The following MAEL variants were observed in gnomAD, a reference collection of about 807,000 sequenced individuals.
The protein encoded by MAEL is protein maelstrom homolog.
A neutral mutation model predicts 62.0 loss-of-function variants in MAEL; 46 were observed. The ratio of observed to expected loss-of-function variants is 0.74; its 90% CI spans 0.59 to 0.95. MAEL has a LOEUF of 0.95. Among genes scored for constraint, MAEL ranks in the 40% least tolerant of loss-of-function variants. MAEL has a pLI of 0.00. For missense variants in MAEL, 497 were observed against 526.8 expected (o/e 0.94, Z 0.55); for synonymous variants, 172 against 175.5 (o/e 0.98, Z 0.16).
At position 166,992,764 on chromosome 1, in the gene MAEL, TC is replaced by T. The variant is rs745819238; in HGVS notation, c.407del (p.Pro136LeufsTer23). 1.2e-6 allele frequency: 2 copies of T among 1,611,780 alleles called. No individual in the cohort carries two copies. The highest frequency in any genetic ancestry group is 1.7e-6 in the Non-Finnish European group (2 of 1,179,142). On this transcript the variant is annotated frameshift_variant, in exon 4 of 12. Transcript: ENST00000367872. LOFTEE classifies it high-confidence loss of function. ...ELPPHCEQRF[L>X]PCEIGCVKYS... is the part of the protein sequence containing the mutation. ...CCTCCTCATTGTGAACAGCGCTTCC[TC>T]CCTTGTGAAATTGGCTGTGTTAAGT...
Position 166,999,377 on chromosome 1 carries a change from A to G in MAEL, c.524-4803A>G, listed in dbSNP as rs541677885. 1.2e-4 allele frequency among the ~76,000 whole-genome samples: 18 copies of G among 152,376 alleles called. No homozygotes were observed. In the South Asian group the frequency reaches 3.7e-3, roughly 32 times the overall value. On this transcript the variant is annotated intron_variant, in intron 5 of 11. Transcript: ENST00000367872. ...AAGTTTTAGTGGTCAGAATAGATCAACATTCTCCAGTTACCACATTCCCTT... is the reference window on the plus strand; with the variant it reads ...AAGTTTTAGTGGTCAGAATAGATCAGCATTCTCCAGTTACCACATTCCCTT...
chr1:167,001,737 A>G (rs1442857823), intron 5 of MAEL, among the ~76,000 whole-genome samples: 1 of 152,160 alleles, frequency 6.6e-6, no homozygotes, highest in African/African-American at 2.4e-5. Flanking sequence ...ATTTTAATGA[A>G]TGCTTTTTCT....
chr1:167,021,396 T>C (rs2102137165), intron 11 of MAEL, among the ~76,000 whole-genome samples: 1 of 152,322 alleles, frequency 6.6e-6, no homozygotes, highest in African/African-American at 2.4e-5. Flanking sequence ...AAAGAAAACC[T>C]GTTTTTCTTG....
intron 1 of MAEL, 46 bp from the exon 2 acceptor site, chr1:166,989,691 G>C (rs1323737818): frequency 6.3e-7 from 1 of 1,584,030 alleles, no homozygotes. Context: ...TAGAGCACGG[G>C]ATCCTCACGG....
intron 1 of MAEL, among the ~76,000 whole-genome samples, chr1:166,982,400 T>C (rs890723931): frequency 5.3e-5 from 8 of 152,210 alleles, no homozygotes; most frequent in African/African-American, 1.4e-4. Flanking sequence ...ATCTATTTCA[T>C]AGGGTTGTTG....
intron 10 of MAEL, 103 bp from the exon 11 acceptor site, chr1:167,020,982 T>A: frequency 1.2e-6 from 1 of 843,904 alleles, no homozygotes; most frequent in Non-Finnish European, 2.0e-6. Flanking sequence ...TATTTGAGTG[T>A]TAGTTTGCAT....
At chr1:166,980,013 T>C (rs1443138316) in intron 1 of MAEL, among the ~76,000 whole-genome samples, 1 of 152,126 alleles carries the variant, frequency 6.6e-6, no homozygotes, top group Non-Finnish European at 1.5e-5. Context: ...TTCTTTATAA[T>C]TGTCTTTCTT....
chr1:167,005,214 A>G (rs773658028), intron 7 of MAEL, 42 bp from the exon 8 acceptor site: 1 of 1,610,666 alleles, frequency 6.2e-7, no homozygotes, highest in Non-Finnish European at 8.5e-7. Flanking sequence ...CCAGGTATCT[A>G]AATTTACTAA....
intron 3 of MAEL, 80 bp from the exon 4 acceptor site, chr1:166,992,606 C>T (rs1205508964): frequency 4.9e-6 from 5 of 1,028,182 alleles, no homozygotes; most frequent in South Asian, 1.9e-5. Flanking sequence ...ACATTTTTTC[C>T]CTTCAACTAA....
intron 8 of MAEL, among the ~76,000 whole-genome samples, chr1:167,006,761 G>A (rs1476205401): frequency 6.7e-6 from 1 of 150,240 alleles, no homozygotes; most frequent in Non-Finnish European, 1.5e-5. Context: ...TCAGCCTCTC[G>A]AGTAGTTGGG....
intron 5 of MAEL, among the ~76,000 whole-genome samples, chr1:166,994,890 G>A (rs867117270): frequency 2.7e-5 from 4 of 150,692 alleles, no homozygotes; most frequent in Middle Eastern, 7.0e-3. Context: ...GGATGGTCTC[G>A]ATCTATTGAC....
chr1:166,989,000 G>T (rs1417100297), upstream of MAEL: 4 of 232,856 alleles, frequency 1.7e-5, no homozygotes, highest in Non-Finnish European at 2.6e-5. Flanking sequence ...AACACCCGCA[G>T]CTCCTCTTTT....
At chr1:166,978,120 C>A (rs1663649413) in intron 1 of MAEL, among the ~76,000 whole-genome samples, 1 of 152,160 alleles carries the variant, frequency 6.6e-6, no homozygotes, top group African/African-American at 2.4e-5. Flanking sequence ...GTAGTTGAAT[C>A]AGGAGACTTG....
chr1:167,001,406 A>G (rs999973511), intron 5 of MAEL, among the ~76,000 whole-genome samples: 1 of 152,218 alleles, frequency 6.6e-6, no homozygotes, highest in African/African-American at 2.4e-5. Context: ...CCAAAAACCT[A>G]CGGAAATAAA....
At chr1:167,011,288 A>G (rs939525094) in intron 8 of MAEL, among the ~76,000 whole-genome samples, 1 of 152,148 alleles carries the variant, frequency 6.6e-6, no homozygotes. Flanking sequence ...TTTATAGACA[A>G]CTGAGTTTTG....
chr1:166,979,278 CTTTT>C (rs950041165), intron 1 of MAEL, among the ~76,000 whole-genome samples: 28 of 151,464 alleles, frequency 1.8e-4, no homozygotes, highest in Non-Finnish European at 2.7e-4. Context: ...TTTGGTCCAT[CTTTT>C]TTTTTCTCTT....
intron 1 of MAEL, among the ~76,000 whole-genome samples, chr1:166,983,035 T>C (rs1049297627): frequency 6.6e-6 from 1 of 152,222 alleles, no homozygotes; most frequent in Non-Finnish European, 1.5e-5. Flanking sequence ...GCTATTCCCT[T>C]ATCTTACATT....
At position 167,017,902 on chromosome 1, in the gene MAEL, T is replaced by A; in HGVS notation, c.984T>A (p.Tyr328Ter). 1 of 1,613,476 alleles carries A rather than the reference T, an allele frequency of 6.2e-7. No homozygotes were observed. Among genetic ancestry groups the A allele is most frequent in the East Asian group, 2.2e-5 (1 of 44,870 alleles). ...AGGCTCATGTACCACTACAAGATTA[T>A]GAGGCCAGCAATAGTGTGACACCCA... Reference protein sequence around the residue: ...LTEAHVPLQDYEASNSVTPKM... With the variant: ...LTEAHVPLQD Residue 328 changes from tyrosine to a stop codon, truncating the protein, a stop_gained, in exon 10 of 12, where the codon TAT becomes TAA. Coordinates refer to ENST00000367872, the MANE Select transcript of MAEL (RefSeq NM_032858.3). LOFTEE classifies it high-confidence loss of function.
chr1:166,981,373 C>G (rs929195142), intron 1 of MAEL, among the ~76,000 whole-genome samples: 8 of 152,158 alleles, frequency 5.3e-5, no homozygotes, highest in Admixed American at 5.2e-4. Context: ...TTATTGAATA[C>G]TTACTATATT....
Sources: allele counts gnomAD v4.1 joint callset (sites outside exome capture counted in the v4.1 genomes callset), GRCh38; gene constraint gnomAD v4.1.1; transcripts MANE v1.5; gene names NCBI Gene and HGNC (gene_info 2026-07-23, HGNC 2026-07-21).